TSPAN2: variants seen among roughly 807,000 people sequenced by gnomAD.
The protein encoded by TSPAN2 is tetraspanin-2.
TSPAN2 carries 24 observed loss-of-function variants against 33.3 expected under a neutral mutation model. The observed-to-expected ratio is 0.72, with a 90% CI of 0.52 to 1.01. The LOEUF is 1.01. Among genes scored for constraint, TSPAN2 ranks in the 50% least tolerant of loss-of-function variants. The probability of loss-of-function intolerance (pLI) is 0.00; values close to 1 mark genes in which losing one functional copy is unlikely to be tolerated. For missense variants in TSPAN2, 278 were observed against 281.3 expected, an observed-to-expected ratio of 0.99 and a Z score of 0.08; for synonymous variants, 114 against 104.5, an observed-to-expected ratio of 1.09 and a Z score of -0.56.
chr1:115,065,768 C>T (rs1407579912), intron 2 of TSPAN2, among the ~76,000 whole-genome samples: 2 of 152,200 alleles, frequency 1.3e-5, no homozygotes, highest in Non-Finnish European at 2.9e-5. Context: ...CAATTCTTCT[C>T]ACCTAGCTAC....
At chr1:115,068,447 A>G (rs1167598303) in intron 2 of TSPAN2, among the ~76,000 whole-genome samples, 2 of 152,134 alleles carry the variant, frequency 1.3e-5, no homozygotes, top group African/African-American at 4.8e-5. Context: ...CAGAGAGGAG[A>G]GTCAAGGCTG....
intron 1 of TSPAN2, among the ~76,000 whole-genome samples, chr1:115,075,053 G>A (rs1249665792): frequency 6.6e-6 from 1 of 152,180 alleles, no homozygotes; most frequent in African/African-American, 2.4e-5. Flanking sequence ...AGACTGTGGA[G>A]GAGGTGACTG....
intron 2 of TSPAN2, among the ~76,000 whole-genome samples, chr1:115,070,103 A>G (rs1648106992): frequency 6.6e-6 from 1 of 152,168 alleles, no homozygotes; most frequent in Admixed American, 6.5e-5. Flanking sequence ...GCGCCACGCA[A>G]CGGCCCCTCC....
At position 115,058,866 on chromosome 1, in the gene TSPAN2, G is replaced by C. The variant is rs1395314879; in HGVS notation, c.444+17C>G. ...CTTTAGAAGCTGTGATTTTAAGGAA[G>C]AAGTGAAGTTACTCACTGTTGAGTG... On this transcript the variant is annotated intron_variant, in intron 5 of 7. Coordinates refer to ENST00000369516, the MANE Select transcript of TSPAN2 (RefSeq NM_005725.6). 1 of 1,562,392 alleles carries C rather than the reference G, an allele frequency of 6.4e-7. No homozygotes were observed. Among genetic ancestry groups the C allele is most frequent in the African/African-American group, 1.4e-5 (1 of 73,656 alleles).
chr1:115,055,911 C>G (rs549213532), intron 6 of TSPAN2, among the ~76,000 whole-genome samples: 1 of 152,246 alleles, frequency 6.6e-6, no homozygotes, highest in South Asian at 2.1e-4. Context: ...GTGTTTTGTT[C>G]TTATGAATAA....
chr1:115,086,513 A>G (rs190296116), intron 1 of TSPAN2, among the ~76,000 whole-genome samples: 4 of 152,312 alleles, frequency 2.6e-5, no homozygotes, highest in African/African-American at 9.6e-5. Context: ...GCTCCTCATC[A>G]TGACTGTGAT....
In TSPAN2 at chr1:115,048,105, A is replaced by G. The variant is rs1026916001; in HGVS notation, c.*2385T>C. The G allele has an allele frequency of 6.6e-6, 1 of 151,858 alleles. No individual in the cohort carries two copies. Among genetic ancestry groups the G allele is most frequent in the African/African-American group, 2.4e-5 (1 of 41,502 alleles). 9.4% of individuals were successfully genotyped at this position (151,858 alleles called of 1,614,324 possible). ...GCCTTGGCATGAGACATTTAAAAGCATGTTTGGGTCTAATCTCAAATTAGT... is the reference window on the plus strand; with the variant it reads ...GCCTTGGCATGAGACATTTAAAAGCGTGTTTGGGTCTAATCTCAAATTAGT... On this transcript the variant is annotated 3_prime_UTR_variant, in exon 8 of 8. Coordinates refer to ENST00000369516, the MANE Select transcript of TSPAN2 (RefSeq NM_005725.6).
In TSPAN2 at chr1:115,069,216, C is replaced by T. The variant is rs113170058; in HGVS notation, c.172+3689G>A. Among the ~76,000 whole-genome samples, 526 of 152,296 alleles carry T rather than the reference C, an allele frequency of 3.5e-3. 4 individuals are homozygous for T. The highest frequency in any genetic ancestry group is 0.012 in the African/African-American group (498 of 41,554). On this transcript the variant is annotated intron_variant, in intron 2 of 7. Coordinates refer to ENST00000369516, the MANE Select transcript of TSPAN2 (RefSeq NM_005725.6). ...AGCAAGCAGGAGGATTCAGGCCCTGCTGTGGCCTGCTGTTTTCCCTGCCCA... is the reference window on the plus strand; with the variant it reads ...AGCAAGCAGGAGGATTCAGGCCCTGTTGTGGCCTGCTGTTTTCCCTGCCCA...
intron 6 of TSPAN2, among the ~76,000 whole-genome samples, chr1:115,055,407 AAC>A (rs1491082715): frequency 1.3e-5 from 2 of 151,538 alleles, no homozygotes; most frequent in African/African-American, 4.9e-5. Flanking sequence ...TACACACACA[AAC>A]ACACCTACAC....
In TSPAN2 at chr1:115,074,942, C is replaced by T. The variant is rs142829586; in HGVS notation, c.70-1935G>A. Among the ~76,000 whole-genome samples, 45 of 152,218 alleles carry T rather than the reference C, an allele frequency of 3.0e-4. No homozygotes were observed. The South Asian group carries it at 7.9e-3, about 27-fold the overall frequency. ...GCAAAGCCTCACAGGCAACCCTGCA[C>T]GCCCTCATCTCTGTGGCGACTCAAT... On this transcript the variant is annotated intron_variant, in intron 1 of 7. Transcript: ENST00000369516.
chr1:115,057,683 A>G lies in TSPAN2; in HGVS notation c.445-75T>C, dbSNP rs183483652. ...TACAAGTCTGGGCACCCTGCTAAGG[A>G]CTGGGGTGCCGAGGCGGCAAAGCAG... On this transcript the variant is annotated intron_variant, in intron 5 of 7. Coordinates refer to ENST00000369516, the MANE Select transcript of TSPAN2 (RefSeq NM_005725.6). 8.5e-5 allele frequency: 123 copies of G among 1,450,190 alleles called. No homozygotes were observed. The African/African-American group carries it at 1.6e-3, about 18-fold the overall frequency. The allele number at this position is 1,450,190 out of a possible 1,614,324, so 89.8% of individuals were successfully genotyped here. A position where few individuals can be genotyped will look rare whatever the true frequency, so the allele number is the denominator to read the frequency against.
chr1:115,069,981 T>C (rs1570976339), intron 2 of TSPAN2, among the ~76,000 whole-genome samples: 1 of 152,214 alleles, frequency 6.6e-6, no homozygotes, highest in Non-Finnish European at 1.5e-5. Context: ...ATGTATCTAA[T>C]CATAAAGGTT....
chr1:115,083,356 G>A (rs947573743), intron 1 of TSPAN2, among the ~76,000 whole-genome samples: 5 of 152,156 alleles, frequency 3.3e-5, no homozygotes, highest in African/African-American at 4.8e-5. Flanking sequence ...GTGGCCTCCC[G>A]GTAATTCCAG....
At chr1:115,065,611 T>G (rs986881659) in intron 2 of TSPAN2, among the ~76,000 whole-genome samples, 2 of 152,198 alleles carry the variant, frequency 1.3e-5, no homozygotes, top group African/African-American at 4.8e-5. Flanking sequence ...TTAAAATTAT[T>G]TATTAATATC....
At position 115,049,788 on chromosome 1, in the gene TSPAN2, G is replaced by A. The variant is rs1675259879; in HGVS notation, c.*702C>T. ...TCCTATAAACACTCACTTTTATAGG[G>A]CACATGATTGTCTGTGTGACTTCTC... On this transcript the variant is annotated 3_prime_UTR_variant, in exon 8 of 8. Transcript: ENST00000369516. 6.6e-6 allele frequency: 1 copy of A among 152,574 alleles called. No individual in the cohort carries two copies. The highest frequency in any genetic ancestry group is 1.5e-5 in the Non-Finnish European group (1 of 68,000). The allele number at this position is 152,574 out of a possible 1,614,324, so 9.5% of individuals were successfully genotyped here. A position where few individuals can be genotyped will look rare whatever the true frequency, so the allele number is the denominator to read the frequency against.
chr1:115,054,824 T>A (rs1478248339), intron 6 of TSPAN2, among the ~76,000 whole-genome samples: 2 of 151,984 alleles, frequency 1.3e-5, no homozygotes, highest in Admixed American at 1.3e-4. Context: ...CCGTCTCTAC[T>A]GAAAATAAAA....
intron 1 of TSPAN2, among the ~76,000 whole-genome samples, chr1:115,077,302 A>T (rs1194393995): frequency 4.1e-5 from 6 of 147,722 alleles, no homozygotes; most frequent in Non-Finnish European, 1.5e-5. Flanking sequence ...AGAGTGTGCC[A>T]ACTGTTAAAA....
chr1:115,082,366 C>T (rs1648659122), intron 1 of TSPAN2, among the ~76,000 whole-genome samples: 1 of 152,214 alleles, frequency 6.6e-6, no homozygotes, highest in Admixed American at 6.5e-5. Context: ...AGACACAGCT[C>T]TGCCACTGGC....
intron 2 of TSPAN2, among the ~76,000 whole-genome samples, chr1:115,070,344 T>C (rs1209004081): frequency 2.0e-5 from 3 of 151,996 alleles, no homozygotes; most frequent in Non-Finnish European, 4.4e-5. Flanking sequence ...TATACCCTAA[T>C]TTGTCCGGCC....
Sources: allele counts gnomAD v4.1 joint callset (sites outside exome capture counted in the v4.1 genomes callset), GRCh38; gene constraint gnomAD v4.1.1; transcripts MANE v1.5; gene names NCBI Gene and HGNC (gene_info 2026-07-23, HGNC 2026-07-21).